The following SEMA4C variants were observed in gnomAD, a reference collection of about 807,000 sequenced individuals.
SEMA4C encodes the protein semaphorin-4C.
In SEMA4C, 19 loss-of-function variants were observed where a neutral mutation model predicts 89.0. The observed-to-expected ratio is 0.21, with a 90% CI of 0.15 to 0.31. The LOEUF is 0.31. Among genes scored for constraint, SEMA4C ranks in the 10% least tolerant of loss-of-function variants. SEMA4C has a pLI of 1.00. For missense variants in SEMA4C, 811 were observed against 1,107.0 expected (o/e 0.73, Z 3.79); for synonymous variants, 428 against 472.7 (o/e 0.91, Z 1.23).
rs757582314 is a variant in SEMA4C at position 96,866,603 on chromosome 2, G to C, written c.110-172C>G. The C allele has an allele frequency of 9.2e-6, 8 of 871,914 alleles. No individual in the cohort carries two copies. In the Admixed American group the frequency reaches 1.2e-4, roughly 13 times the overall value. 54.0% of individuals were successfully genotyped at this position (871,914 alleles called of 1,614,324 possible). A position where few individuals can be genotyped will look rare whatever the true frequency, so the allele number is the denominator to read the frequency against. On this transcript the variant is annotated intron_variant, in intron 2 of 14. Coordinates refer to ENST00000305476, the MANE Select transcript of SEMA4C (RefSeq NM_017789.5). ...CTTTGGCCCTGACAGCCCCACCTGG[G>C]CCTCCCTAGCCTTTCCCAGCCTGGG... is the stretch of plus-strand genomic sequence containing the variant.
At chr2:96,869,114 C>T (rs191243604) in intron 1 of SEMA4C, 2 of 985,328 alleles carry the variant, frequency 2.0e-6, no homozygotes, top group Non-Finnish European at 2.4e-6. Flanking sequence ...CCCAGAGCCC[C>T]GGCGCGGGAG....
intron 12 of SEMA4C, chr2:96,862,561 A>T (rs967272003): frequency 2.0e-5 from 3 of 152,212 alleles, no homozygotes; most frequent in Non-Finnish European, 2.9e-5. Context: ...CTCTACTAAA[A>T]ATACAAAAAT....
chr2:96,866,858 G>A (rs1462060838), intron 2 of SEMA4C: 1 of 350,410 alleles, frequency 2.9e-6, no homozygotes, highest in Non-Finnish European at 5.6e-6. Context: ...AGACGGCTAT[G>A]AGTACTCCCT....
At chr2:96,865,607 C>T in intron 5 of SEMA4C, 59 bp downstream of exon 5, 1 of 1,566,070 alleles carries the variant, frequency 6.4e-7, no homozygotes, top group South Asian at 1.1e-5. Flanking sequence ...TCCACGAGTC[C>T]AGAGAAGGGT....
intron 3 of SEMA4C, 151 bp from the exon 4 acceptor site, chr2:96,866,080 C>G (rs926172766): frequency 1.0e-5 from 11 of 1,081,792 alleles, no homozygotes; most frequent in Non-Finnish European, 1.2e-5. Flanking sequence ...ATGGAAGCCC[C>G]AAACCACCCC....
In SEMA4C at chr2:96,860,865, C is replaced by G; in HGVS notation, c.2263G>C (p.Gly755Arg). ...GGAGGTGGCGAAGGGGGCCCCCCAC[C>G]GGGCTGGCACCGGGCATGCCCAGGT... ...IVPGHARCQP[G>R]GGPPSPPPGI... Residue 755 changes from glycine (G) to arginine (R), a missense_variant, in exon 15 of 15, where the codon GGT becomes CGT. Physicochemically the swap from Gly to Arg is moderately radical, Grantham distance 125. Coordinates refer to ENST00000305476, the MANE Select transcript of SEMA4C (RefSeq NM_017789.5). 6.2e-7 allele frequency: 1 copy of G among 1,613,130 alleles called. No homozygotes were observed.
rs902138391 is a variant in SEMA4C, at chr2:96,868,051, T to C, written c.-37-128A>G. 7 of 1,267,220 alleles carry C rather than the reference T, an allele frequency of 5.5e-6. No homozygotes were observed. The African/African-American group carries it at 7.6e-5, about 14-fold the overall frequency. 78.5% of individuals were successfully genotyped at this position (1,267,220 alleles called of 1,614,324 possible). A position where few individuals can be genotyped will look rare whatever the true frequency, so the allele number is the denominator to read the frequency against. On this transcript the variant is annotated intron_variant, in intron 1 of 14. Coordinates refer to ENST00000305476, the MANE Select transcript of SEMA4C (RefSeq NM_017789.5). ...AGCCCCGGTGCCCTCCTTCCCCTTC[T>C]CTTTGGAGGTGGACCTAAGTCCCCA...
In SEMA4C at chr2:96,865,944, G is replaced by C; in HGVS notation, c.259-15C>G. The C allele has an allele frequency of 5.0e-6, 8 of 1,613,570 alleles. No individual in the cohort carries two copies. The highest frequency in any genetic ancestry group is 6.8e-6 in the Non-Finnish European group (8 of 1,179,728). On this transcript the variant is annotated splice_polypyrimidine_tract_variant and intron_variant, in intron 3 of 14. Coordinates refer to ENST00000305476, the MANE Select transcript of SEMA4C (RefSeq NM_017789.5). ...TCCCAGGAGATCTGGGGAAAGGGAA[G>C]GGGATGTCAGCCACGTTACAGGTAC...
intron 1 of SEMA4C, 38 bp downstream of exon 1, chr2:96,869,838 C>G (rs908855465): frequency 1.0e-6 from 1 of 985,376 alleles, no homozygotes; most frequent in South Asian, 4.7e-5. Flanking sequence ...CTCCGGGGCC[C>G]CGCGGCTCCA....
intron 2 of SEMA4C, chr2:96,866,820 T>C (rs765965119): frequency 3.0e-5 from 11 of 367,960 alleles, no homozygotes; most frequent in Admixed American, 1.5e-4. Context: ...CCACTGCCTC[T>C]ATCAGAGTCC....
upstream of SEMA4C, chr2:96,870,666 T>A: frequency 2.0e-6 from 2 of 985,514 alleles, no homozygotes; most frequent in African/African-American, 3.5e-5. Context: ...AAGGGCCTGC[T>A]CCTGCTTCTC....
At chr2:96,866,816 C>T in intron 2 of SEMA4C, 1 of 371,142 alleles carries the variant, frequency 2.7e-6, no homozygotes, top group Middle Eastern at 7.3e-4. Context: ...CTGCCCACTG[C>T]CTCTATCAGA....
At chr2:96,869,471 C>A (rs1272231095) in intron 1 of SEMA4C, 10 of 207,254 alleles carry the variant, frequency 4.8e-5, no homozygotes, top group Non-Finnish European at 8.1e-5. Flanking sequence ...GCGGAATGGG[C>A]GGGCGGGCGG....
chr2:96,870,439 C>G (rs2080177467), upstream of SEMA4C: 3 of 900,466 alleles, frequency 3.3e-6, no homozygotes, highest in Middle Eastern at 5.6e-4. Flanking sequence ...GAGGGACTCC[C>G]GACCGTGCAG....
Position 96,864,827 on chromosome 2 carries a change from C to T in SEMA4C, c.840G>A (p.Lys280=). ...TCGGGGCAGAGCATGCCAGCCGCGC[C>T]TTCAGGAACGTGGTCCACTTCCTCT... ...TLQRKWTTFL[K]ARLACSAPNW... The change falls in exon 9 of 15, where the codon AAG becomes AAA. Residue 280 remains lysine (K), a synonymous_variant. Transcript: ENST00000305476. The surrounding 1 kb of genome is among the most constrained non-coding windows in gnomAD (Gnocchi z 6.3). 6.2e-7 allele frequency: 1 copy of T among 1,613,900 alleles called. No homozygotes were observed. Among genetic ancestry groups the T allele is most frequent in the Non-Finnish European group, 8.5e-7 (1 of 1,180,006 alleles).
intron 12 of SEMA4C, chr2:96,863,286 G>A (rs2079993948): frequency 3.9e-6 from 4 of 1,021,306 alleles, no homozygotes; most frequent in African/African-American, 1.7e-5. Flanking sequence ...AATGGGGGCT[G>A]GAAGGAAAAC....
At chr2:96,865,158 G>C (rs754535070) in intron 7 of SEMA4C, 43 bp from the exon 8 acceptor site, 5 of 1,602,192 alleles carry the variant, frequency 3.1e-6, no homozygotes, top group South Asian at 1.1e-5. Flanking sequence ...GCTGGGCCCC[G>C]GGGGACCTCC....
chr2:96,870,158 G>A (rs2153366246), upstream of SEMA4C: 1 of 982,288 alleles, frequency 1.0e-6, no homozygotes, highest in African/African-American at 1.7e-5. Flanking sequence ...GGCGGGCCGC[G>A]AAGGCTCGCT....
chr2:96,867,192 AG>A (rs1189989166), intron 2 of SEMA4C, among the ~76,000 whole-genome samples: 2 of 152,208 alleles, frequency 1.3e-5, no homozygotes, highest in Non-Finnish European at 2.9e-5. Context: ...ATCCAGACAC[AG>A]ACCGGCATGG....
Sources: allele counts gnomAD v4.1 joint callset (sites outside exome capture counted in the v4.1 genomes callset), GRCh38; gene constraint gnomAD v4.1.1; non-coding constraint Gnocchi (gnomAD v3.1); transcripts MANE v1.5; gene names NCBI Gene and HGNC (gene_info 2026-07-23, HGNC 2026-07-21).